MACROD2: variants seen among roughly 807,000 people sequenced by gnomAD.
MACROD2 encodes the protein ADP-ribose glycohydrolase MACROD2.
Under a neutral mutation model 70.4 loss-of-function variants are expected in MACROD2, and 36 were observed. That is an observed-to-expected ratio of 0.51 (90% CI 0.39 to 0.68). The LOEUF (loss-of-function observed/expected upper bound fraction) is 0.68. Among genes scored for constraint, MACROD2 ranks in the 30% least tolerant of loss-of-function variants. MACROD2 has a pLI of 0.00. For missense variants in MACROD2, 496 were observed against 538.4 expected, an observed-to-expected ratio of 0.92 and a Z score of 0.78; for synonymous variants, 172 against 178.8, an observed-to-expected ratio of 0.96 and a Z score of 0.30.
At position 15,779,924 on chromosome 20, in the gene MACROD2, G is replaced by A. The variant is rs185684098; in HGVS notation, c.646-82821G>A. Among the ~76,000 whole-genome samples, 383 of 152,130 alleles carry A rather than the reference G, an allele frequency of 2.5e-3. 2 individuals carry two copies. The highest frequency in any genetic ancestry group is 9.0e-3 in the African/African-American group (372 of 41,504). On this transcript the variant is annotated intron_variant, in intron 8 of 17. Transcript: ENST00000684519. ...TGCTATGTTCTGCTGTGCCATTCTTGTATGAAAAACAGGAAAAAGATAAGT... is the reference window on the plus strand; with the variant it reads ...TGCTATGTTCTGCTGTGCCATTCTTATATGAAAAACAGGAAAAAGATAAGT...
intron 5 of MACROD2, among the ~76,000 whole-genome samples, chr20:14,718,737 T>A (rs571958260): frequency 2.4e-4 from 37 of 151,812 alleles, no homozygotes; most frequent in African/African-American, 7.5e-4. Context: ...CAAAATTTCA[T>A]TGTTTGGAAA....
chr20:14,990,904 A>G (rs1158886631), intron 5 of MACROD2, among the ~76,000 whole-genome samples: 2 of 152,186 alleles, frequency 1.3e-5, no homozygotes, highest in East Asian at 3.8e-4. Flanking sequence ...GCCCCCTGAA[A>G]GTTATTGATA....
At chr20:14,718,363 G>T (rs1568756517) in intron 5 of MACROD2, among the ~76,000 whole-genome samples, 2 of 147,010 alleles carry the variant, frequency 1.4e-5, no homozygotes, top group Non-Finnish European at 3.0e-5. Context: ...TGACACCACA[G>T]AGTACAGTAT....
intron 2 of MACROD2, among the ~76,000 whole-genome samples, chr20:14,071,017 C>G (rs2053829682): frequency 6.6e-6 from 1 of 152,104 alleles, no homozygotes; most frequent in Non-Finnish European, 1.5e-5. Flanking sequence ...AAACAACATC[C>G]TTTATATTGC....
intron 3 of MACROD2, among the ~76,000 whole-genome samples, chr20:14,303,770 C>T (rs1423347146): frequency 1.3e-5 from 2 of 152,188 alleles, no homozygotes; most frequent in African/African-American, 2.4e-5. Context: ...TTCCAACCCA[C>T]AGCCCCCAAT....
chr20:15,051,591 G>A (rs1345116238), intron 5 of MACROD2, among the ~76,000 whole-genome samples: 2 of 152,066 alleles, frequency 1.3e-5, no homozygotes, highest in African/African-American at 4.8e-5. Context: ...GGCCCACTCA[G>A]ATCATCAAGT....
intron 5 of MACROD2, among the ~76,000 whole-genome samples, chr20:14,735,202 G>A (rs2071648570): frequency 6.6e-6 from 1 of 152,126 alleles, no homozygotes; most frequent in African/African-American, 2.4e-5. Flanking sequence ...TGAAAGGACA[G>A]CCCACTGAAT....
chr20:15,789,719 C>T (rs1313140193), intron 8 of MACROD2, among the ~76,000 whole-genome samples: 1 of 151,698 alleles, frequency 6.6e-6, no homozygotes, highest in Non-Finnish European at 1.5e-5. Context: ...TTTTTGGAAA[C>T]ACTACATAAA....
At chr20:14,956,540 C>T (rs1043837459) in intron 5 of MACROD2, among the ~76,000 whole-genome samples, 1 of 152,028 alleles carries the variant, frequency 6.6e-6, no homozygotes, top group African/African-American at 2.4e-5. Context: ...CCACCCTGTG[C>T]TGTTGTTTTT....
intron 3 of MACROD2, among the ~76,000 whole-genome samples, chr20:14,485,321 G>T (rs983257734): frequency 2.0e-5 from 3 of 152,054 alleles, no homozygotes; most frequent in Non-Finnish European, 4.4e-5. Flanking sequence ...TTAGAGTCAT[G>T]GTATATTGAT....
intron 3 of MACROD2, among the ~76,000 whole-genome samples, chr20:14,465,542 T>C (rs1446797704): frequency 6.6e-6 from 1 of 152,090 alleles, no homozygotes; most frequent in Admixed American, 6.5e-5. Context: ...TATTTAAGGT[T>C]AGTATTGTTA....
chr20:15,524,774 T>C (rs2047700170), intron 8 of MACROD2, among the ~76,000 whole-genome samples: 1 of 152,228 alleles, frequency 6.6e-6, no homozygotes, highest in South Asian at 2.1e-4. Flanking sequence ...GTAGCTATTT[T>C]AATTAAAATT....
At chr20:14,810,278 G>A (rs769369936) in intron 5 of MACROD2, among the ~76,000 whole-genome samples, 2 of 152,032 alleles carry the variant, frequency 1.3e-5, no homozygotes, top group African/African-American at 2.4e-5. Context: ...TGCAAGGCTG[G>A]TTCAACATAT....
intron 5 of MACROD2, among the ~76,000 whole-genome samples, chr20:14,800,723 G>A (rs1237846142): frequency 1.3e-5 from 2 of 152,084 alleles, no homozygotes; most frequent in African/African-American, 4.8e-5. Context: ...CTTTCTGTTT[G>A]AAGGCCGGAA....
In MACROD2 at chr20:14,706,641, T is replaced by G. The variant is rs1348592907; in HGVS notation, c.418+21682T>G. On this transcript the variant is annotated intron_variant, in intron 5 of 17. Coordinates refer to ENST00000684519, the MANE Select transcript of MACROD2 (RefSeq NM_001351661.2). ...CAAAAGCTGATTTTCCAGATTCAGTTCTTTTCAAACTGCAACCAGCCCGGC... is the reference window on the plus strand; with the variant it reads ...CAAAAGCTGATTTTCCAGATTCAGTGCTTTTCAAACTGCAACCAGCCCGGC... Among the ~76,000 whole-genome samples, 4 of 152,190 alleles carry G rather than the reference T, an allele frequency of 2.6e-5. No homozygotes were observed. The East Asian group carries it at 7.7e-4, about 29-fold the overall frequency.
chr20:14,775,709 C>T (rs1027622411), intron 5 of MACROD2, among the ~76,000 whole-genome samples: 2 of 151,976 alleles, frequency 1.3e-5, no homozygotes, highest in African/African-American at 4.8e-5. Flanking sequence ...GAACCTAGGT[C>T]TGCCTGTCTC....
At chr20:14,829,128 ATT>A (rs71190150) in intron 5 of MACROD2, among the ~76,000 whole-genome samples, 61 of 110,346 alleles carry the variant, frequency 5.5e-4, no homozygotes, top group African/African-American at 1.8e-3. Flanking sequence ...TTGCAGAACT[ATT>A]TTTTTTTTTT....
rs57486090 is a variant in MACROD2 at position 14,985,685 on chromosome 20, C to CTTTTT, written c.419-244242_419-244238dup. On this transcript the variant is annotated intron_variant, in intron 5 of 17. Transcript: ENST00000684519. ...GAAATCTTAGCTGTATTCTCTTATT[C>CTTTTT]TTTTTTTTTTTTTTTTTGAGGATGA... Among the ~76,000 whole-genome samples, 86 of 115,358 alleles carry CTTTTT rather than the reference C, an allele frequency of 7.5e-4. 1 individual carries two copies. The highest frequency in any genetic ancestry group is 2.4e-3 in the African/African-American group (83 of 34,412). 75.7% of individuals were successfully genotyped at this position (115,358 alleles called of 152,430 possible).
chr20:14,280,516 T>A (rs2082298294), intron 3 of MACROD2, among the ~76,000 whole-genome samples: 1 of 152,078 alleles, frequency 6.6e-6, no homozygotes, highest in South Asian at 2.1e-4. Flanking sequence ...AGAAACTAGA[T>A]TAGCAGGTAT....
Sources: allele counts gnomAD v4.1 joint callset (sites outside exome capture counted in the v4.1 genomes callset), GRCh38; gene constraint gnomAD v4.1.1; transcripts MANE v1.5; gene names NCBI Gene and HGNC (gene_info 2026-07-23, HGNC 2026-07-21).